The following PABPC4L variants were observed in gnomAD, a reference collection of about 807,000 sequenced individuals.
PABPC4L encodes polyadenylate-binding protein 4-like.
For synonymous variants in PABPC4L, 169 were observed against 164.1 expected, an observed-to-expected ratio of 1.03 and a Z score of -0.23; for missense variants, 452 against 451.4, an observed-to-expected ratio of 1.00 and a Z score of -0.01.
chr4:134,134,007 G>GA, the PABPC4L span, among the ~76,000 whole-genome samples: 6 of 150,708 alleles, frequency 4.0e-5, no homozygotes, highest in South Asian at 2.1e-4. Context: ...TACATTGAAA[G>GA]AAAAAAAACT....
chr4:134,134,366 T>A, the PABPC4L span, among the ~76,000 whole-genome samples: 2 of 151,996 alleles, frequency 1.3e-5, no homozygotes, highest in Non-Finnish European at 2.9e-5. Flanking sequence ...ATGTAAGAAC[T>A]TAGATTAAAA....
At chr4:134,116,633 C>T in the PABPC4L span, among the ~76,000 whole-genome samples, 1 of 151,680 alleles carries the variant, frequency 6.6e-6, no homozygotes, top group African/African-American at 2.4e-5. Context: ...TTTACTCAAA[C>T]TACTGTTTGG....
At chr4:134,071,001 T>C in the PABPC4L span, among the ~76,000 whole-genome samples, 1 of 152,154 alleles carries the variant, frequency 6.6e-6, no homozygotes, top group African/African-American at 2.4e-5. Flanking sequence ...ACTGCAGATG[T>C]TCCCATACCA....
At chr4:134,093,048 G>A in the PABPC4L span, among the ~76,000 whole-genome samples, 1 of 151,536 alleles carries the variant, frequency 6.6e-6, no homozygotes, top group African/African-American at 2.4e-5. Flanking sequence ...AATTTTTTTT[G>A]TGTTTACTGT....
chr4:134,077,480 G>T, the PABPC4L span, among the ~76,000 whole-genome samples: 4 of 152,192 alleles, frequency 2.6e-5, no homozygotes, highest in Non-Finnish European at 2.9e-5. Context: ...AATTAAAGAA[G>T]CTTAGATAGA....
the PABPC4L span, among the ~76,000 whole-genome samples, chr4:134,075,997 T>A: frequency 1.3e-5 from 2 of 151,776 alleles, no homozygotes; most frequent in African/African-American, 4.8e-5. Flanking sequence ...GGGCAATCAT[T>A]TCTTATAATA....
At chr4:133,969,682 G>A in the PABPC4L span, among the ~76,000 whole-genome samples, 1 of 152,298 alleles carries the variant, frequency 6.6e-6, no homozygotes, top group Admixed American at 6.5e-5. Flanking sequence ...TGGGCATTCT[G>A]CCAAAAGGGA....
the PABPC4L span, among the ~76,000 whole-genome samples, chr4:134,177,759 G>A: frequency 6.6e-6 from 1 of 152,084 alleles, no homozygotes; most frequent in Admixed American, 6.6e-5. Context: ...GAGGTAACCA[G>A]GTAGGCAGGC....
the PABPC4L span, among the ~76,000 whole-genome samples, chr4:133,976,213 T>C: frequency 6.6e-6 from 1 of 152,146 alleles, no homozygotes; most frequent in East Asian, 1.9e-4. Context: ...GGTGTTCGGT[T>C]TTCTGTTTGT....
At chr4:134,170,399 A>C in the PABPC4L span, among the ~76,000 whole-genome samples, 3 of 152,178 alleles carry the variant, frequency 2.0e-5, no homozygotes, top group African/African-American at 7.2e-5. Context: ...AGAATGTATC[A>C]GTCCATTCTT....
the PABPC4L span, among the ~76,000 whole-genome samples, chr4:133,982,220 C>G: frequency 2.0e-5 from 3 of 151,908 alleles, no homozygotes; most frequent in Non-Finnish European, 2.9e-5. Flanking sequence ...AGAAGGTAAG[C>G]AGAGATGAAG....
chr4:134,049,941 A>C, the PABPC4L span, among the ~76,000 whole-genome samples: 1 of 152,138 alleles, frequency 6.6e-6, no homozygotes, highest in Admixed American at 6.6e-5. Context: ...TAGTATTCTG[A>C]AAATTAATGC....
the PABPC4L span, among the ~76,000 whole-genome samples, chr4:134,135,661 G>A: frequency 2.2e-4 from 33 of 151,972 alleles, no homozygotes; most frequent in African/African-American, 7.0e-4. Flanking sequence ...GAGAAACTCC[G>A]TCTCTACTGA....
At chr4:134,090,081 A>G in the PABPC4L span, among the ~76,000 whole-genome samples, 1 of 152,086 alleles carries the variant, frequency 6.6e-6, no homozygotes, top group Non-Finnish European at 1.5e-5. Flanking sequence ...GTATTCAGTG[A>G]TAAGGCCCAA....
At chr4:134,037,616 T>A in the PABPC4L span, among the ~76,000 whole-genome samples, 1 of 152,028 alleles carries the variant, frequency 6.6e-6, no homozygotes, top group Non-Finnish European at 1.5e-5. Context: ...GAATAGGAAT[T>A]TATCAAAAGA....
the PABPC4L span, among the ~76,000 whole-genome samples, chr4:134,012,854 A>C: frequency 6.6e-6 from 1 of 151,974 alleles, no homozygotes; most frequent in Non-Finnish European, 1.5e-5. Flanking sequence ...GCCACACTTC[A>C]ATCTCTCCCT....
the PABPC4L span, among the ~76,000 whole-genome samples, chr4:134,058,882 T>C: frequency 2.0e-5 from 3 of 151,992 alleles, no homozygotes; most frequent in Non-Finnish European, 4.4e-5. Context: ...AGTGAAATTA[T>C]AGAAGAGTAA....
At chr4:133,953,897 G>C in the PABPC4L span, among the ~76,000 whole-genome samples, 48 of 152,172 alleles carry the variant, frequency 3.2e-4, no homozygotes, top group African/African-American at 1.1e-3. Context: ...TGATCTAGCT[G>C]TTCTGCTAAA....
At chr4:134,059,062 G>A in the PABPC4L span, among the ~76,000 whole-genome samples, 1 of 151,972 alleles carries the variant, frequency 6.6e-6, no homozygotes, top group East Asian at 1.9e-4. Flanking sequence ...CGGTAAGGCT[G>A]AAAAGCAGAA....
Sources: allele counts gnomAD v4.1 joint callset (sites outside exome capture counted in the v4.1 genomes callset), GRCh38; gene constraint gnomAD v4.1.1; transcripts MANE v1.5; gene names NCBI Gene and HGNC (gene_info 2026-07-23, HGNC 2026-07-21).